MBNL3: variants seen among roughly 807,000 people sequenced by gnomAD.
MBNL3 encodes the protein muscleblind like splicing regulator 3.
MBNL3 carries 6 observed loss-of-function variants against 24.5 expected under a neutral mutation model. The ratio of observed to expected loss-of-function variants is 0.25; its 90% confidence interval spans 0.13 to 0.48. MBNL3 has a LOEUF of 0.48. Among genes scored for constraint, MBNL3 ranks in the 20% least tolerant of loss-of-function variants. The pLI, the probability that MBNL3 is intolerant of heterozygous loss-of-function variation, is 0.99. For synonymous variants in MBNL3, 100 were observed against 101.7 expected, an observed-to-expected ratio of 0.98 and a Z score of 0.10; for missense variants, 230 against 293.5, an observed-to-expected ratio of 0.78 and a Z score of 1.58.
intron 5 of MBNL3, 81 bp from the exon 6 acceptor site, chrX:132,386,892 T>A: frequency 9.3e-7 from 1 of 1,073,912 alleles, no homozygotes; most frequent in Non-Finnish European, 1.3e-6. Flanking sequence ...ATATAAGGTA[T>A]TTCCTGGGAA....
At chrX:132,475,301 A>G (rs747349168) in intron 1 of MBNL3, among the ~76,000 whole-genome samples, 9 of 112,212 alleles carry the variant, frequency 8.0e-5, no homozygotes, top group African/African-American at 2.9e-4. Flanking sequence ...TTGTTACATC[A>G]AGATGGGTAA....
At position 132,382,159 on chromosome X, in the gene MBNL3, C is replaced by T; in HGVS notation, c.1053+19G>A. 8.3e-7 allele frequency: 1 copy of T among 1,202,227 alleles called. No homozygotes were observed. The highest frequency in any genetic ancestry group is 1.1e-6 in the Non-Finnish European group (1 of 887,543). The stretch of plus-strand genomic sequence containing the variant: ...ATTGTAGTTATCTTGATCTGAACAG[C>T]TTAAATAAATGGCCAAACCTGATTG... On this transcript the variant is annotated intron_variant, in intron 8 of 8. Transcript: ENST00000370853.
At chrX:132,396,545 C>CAT (rs1938693011) in intron 3 of MBNL3, among the ~76,000 whole-genome samples, 2 of 47,456 alleles carry the variant, frequency 4.2e-5, no homozygotes, top group Non-Finnish European at 7.0e-5. Context: ...TATATATATT[C>CAT]CTATATATTC....
chrX:132,478,845 T>C (rs1947579385), intron 1 of MBNL3, among the ~76,000 whole-genome samples: 1 of 112,490 alleles, frequency 8.9e-6, no homozygotes, highest in African/African-American at 3.2e-5. Flanking sequence ...TACAGTAGAG[T>C]AAACCTATAT....
At chrX:132,442,091 G>A (rs942121312) in intron 1 of MBNL3, among the ~76,000 whole-genome samples, 3 of 111,596 alleles carry the variant, frequency 2.7e-5, no homozygotes, top group Non-Finnish European at 3.8e-5. Context: ...CAGGGGATGG[G>A]AAGAGGGGAT....
chrX:132,479,465 C>A (rs1445551456), intron 1 of MBNL3, among the ~76,000 whole-genome samples: 1 of 111,982 alleles, frequency 8.9e-6, no homozygotes, highest in Non-Finnish European at 1.9e-5. Flanking sequence ...AAATTAAAAT[C>A]ATATTTTGAA....
intron 5 of MBNL3, among the ~76,000 whole-genome samples, chrX:132,390,284 A>C (rs1481777531): frequency 1.9e-5 from 2 of 104,805 alleles, no homozygotes; most frequent in Non-Finnish European, 3.9e-5. Context: ...AAAAAAAAAA[A>C]AAAAAAACCA....
At chrX:132,413,414 C>T in intron 2 of MBNL3, 1 of 965,758 alleles carries the variant, frequency 1.0e-6, no homozygotes, top group East Asian at 3.4e-5. Context: ...CTCTCCCGCT[C>T]TGTTCTTCTG....
intron 1 of MBNL3, among the ~76,000 whole-genome samples, chrX:132,479,318 G>A (rs1021454922): frequency 8.9e-6 from 1 of 112,307 alleles, no homozygotes; most frequent in African/African-American, 3.2e-5. Context: ...ATAAATGTTT[G>A]TAAATATTCA....
At chrX:132,477,244 G>A (rs770152844) in intron 1 of MBNL3, among the ~76,000 whole-genome samples, 2 of 111,974 alleles carry the variant, frequency 1.8e-5, no homozygotes, top group South Asian at 7.4e-4. Flanking sequence ...TACACAATCA[G>A]TAGATCTGTA....
rs768541700 is a variant in MBNL3 at position 132,438,472 on chromosome X, A to T, written c.177+963T>A. Among the ~76,000 whole-genome samples, 60 of 111,168 alleles carry T rather than the reference A, an allele frequency of 5.4e-4. 1 individual carries two copies. The highest frequency in any genetic ancestry group is 1.9e-3 in the African/African-American group (59 of 30,647). The stretch of plus-strand genomic sequence containing the variant: ...TAATGAGGTAAAATTGGTCATGATG[A>T]AGGTAAAACAATATCAAGAAACTGA... On this transcript the variant is annotated intron_variant, in intron 2 of 8. Transcript: ENST00000370853.
chrX:132,483,473 T>C (rs1947847233), intron 1 of MBNL3, among the ~76,000 whole-genome samples: 1 of 112,537 alleles, frequency 8.9e-6, no homozygotes, highest in South Asian at 3.7e-4. Flanking sequence ...TTTCACGAGA[T>C]ACATGTCCAG....
At chrX:132,487,867 C>A (rs974170878) in intron 1 of MBNL3, among the ~76,000 whole-genome samples, 9 of 111,871 alleles carry the variant, frequency 8.0e-5, no homozygotes, top group Non-Finnish European at 1.5e-4. Flanking sequence ...CAAAACAAAA[C>A]AAAATTCAGA....
rs769198783 is a variant in MBNL3 at position 132,378,076 on chromosome X, A to C, written c.*1590T>G. The C allele has an allele frequency of 9.1e-6, 1 of 110,314 alleles. No individual in the cohort carries two copies. Among genetic ancestry groups the C allele is most frequent in the East Asian group, 2.9e-4 (1 of 3,506 alleles). The allele number at this position is 110,314 out of a possible 1,213,427, so 9.1% of individuals were successfully genotyped here. ...CACTCTGTCTCATTCAAAGGGTGAT[A>C]AAACCCTTTCTATTGTCATTTTCAA... On this transcript the variant is annotated 3_prime_UTR_variant, in exon 9 of 9. Coordinates refer to ENST00000370853, the MANE Select transcript of MBNL3 (RefSeq NM_001386889.1).
At chrX:132,396,925 CAT>C (rs1398032106) in intron 3 of MBNL3, among the ~76,000 whole-genome samples, 5 of 59,296 alleles carry the variant, frequency 8.4e-5, no homozygotes, top group Non-Finnish European at 1.5e-4. Context: ...CATATATATT[CAT>C]ATATACATTC....
chrX:132,453,685 A>G (rs986380081), intron 1 of MBNL3, among the ~76,000 whole-genome samples: 1 of 111,919 alleles, frequency 8.9e-6, no homozygotes, highest in Non-Finnish European at 1.9e-5. Context: ...TTTGCTAAAT[A>G]ATAAGCTCAT....
At chrX:132,397,654 T>C (rs1251874812) in intron 3 of MBNL3, among the ~76,000 whole-genome samples, 2 of 111,766 alleles carry the variant, frequency 1.8e-5, no homozygotes, top group Non-Finnish European at 3.8e-5. Flanking sequence ...TTATTGCTCA[T>C]TTGCAAGCAT....
chrX:132,481,779 G>A (rs1280905827), intron 1 of MBNL3, among the ~76,000 whole-genome samples: 1 of 111,217 alleles, frequency 9.0e-6, no homozygotes, highest in Non-Finnish European at 1.9e-5. Flanking sequence ...GCTTTGGAGG[G>A]GGAGTTTCAG....
chrX:132,379,614 G>A lies in MBNL3; in HGVS notation c.*52C>T. 1 of 1,151,047 alleles carries A rather than the reference G, an allele frequency of 8.7e-7. No homozygotes were observed. 94.9% of individuals were successfully genotyped at this position (1,151,047 alleles called of 1,213,427 possible). A position where few individuals can be genotyped will look rare whatever the true frequency, so the allele number is the denominator to read the frequency against. Reference sequence around the variant, plus strand: ...AGACATACGAGAATATATATAGAAAGGCCATATGGAGGTTTCCATGGAAAG... The same window carrying A: ...AGACATACGAGAATATATATAGAAAAGCCATATGGAGGTTTCCATGGAAAG... On this transcript the variant is annotated 3_prime_UTR_variant, in exon 9 of 9. Transcript: ENST00000370853.
Sources: gnomAD v4.1 joint callset for allele counts (sites outside exome capture counted in the v4.1 genomes callset) on GRCh38, gnomAD v4.1.1 for gene constraint, MANE v1.5 for transcripts, NCBI Gene and HGNC (gene_info 2026-07-23, HGNC 2026-07-21) for gene names.